The following MAOB variants were observed in gnomAD, a reference collection of about 807,000 sequenced individuals.
MAOB encodes the protein amine oxidase [flavin-containing] B.
In MAOB, 15 loss-of-function variants were observed where a neutral mutation model predicts 41.9. The ratio of observed to expected loss-of-function variants is 0.36; its 90% CI spans 0.24 to 0.55. The LOEUF is 0.55. MAOB is among the 20% of genes least tolerant of loss of function. MAOB has a pLI of 0.86. For synonymous variants in MAOB, 167 were observed against 144.2 expected (o/e 1.16, Z -1.13); for missense variants, 345 against 398.7 (o/e 0.87, Z 1.15).
intron 3 of MAOB, among the ~76,000 whole-genome samples, chrX:43,808,728 A>ACG (rs1313448371): frequency 9.1e-6 from 1 of 109,524 alleles, no homozygotes; most frequent in African/African-American, 3.3e-5. Flanking sequence ...ACACACACAC[A>ACG]GAGTCTTGCT....
At chrX:43,808,678 CT>C (rs1569218463) in intron 3 of MAOB, among the ~76,000 whole-genome samples, 25 of 99,064 alleles carry the variant, frequency 2.5e-4, no homozygotes, top group South Asian at 1.3e-3. Flanking sequence ...ATATCTATAT[CT>C]ATATCTATAT....
chrX:43,842,476 C>T (rs1157345927), intron 2 of MAOB, among the ~76,000 whole-genome samples: 1 of 112,548 alleles, frequency 8.9e-6, no homozygotes, highest in Non-Finnish European at 1.9e-5. Context: ...TAAATCAGTA[C>T]AGCTATTACA....
At chrX:43,800,282 G>C (rs1218733983) in intron 5 of MAOB, among the ~76,000 whole-genome samples, 1 of 110,966 alleles carries the variant, frequency 9.0e-6, no homozygotes, top group African/African-American at 3.3e-5. Flanking sequence ...AGTTCTCTGA[G>C]GAGAGAAGAC....
chrX:43,798,326 G>A (rs1180805245), intron 5 of MAOB, among the ~76,000 whole-genome samples: 2 of 112,251 alleles, frequency 1.8e-5, no homozygotes, highest in East Asian at 2.8e-4. Context: ...ATGAATGATT[G>A]ATGAGAAATA....
At chrX:43,857,112 TATATAGAGAGAGAGAGAGAGAGAGAG>T (rs1393836546) in intron 1 of MAOB, among the ~76,000 whole-genome samples, 499 of 14,939 alleles carry the variant, frequency 0.033, 2 homozygotes, top group Non-Finnish European at 0.045. Flanking sequence ...TATATATATA[TATATAGAGAGAGAGAGAGAGAGAGAG>T]AGAGAGAGAG....
intron 10 of MAOB, among the ~76,000 whole-genome samples, chrX:43,779,201 G>T (rs1200065233): frequency 1.8e-5 from 2 of 111,966 alleles, no homozygotes; most frequent in Non-Finnish European, 3.8e-5. Flanking sequence ...AAGTACAGAA[G>T]TAGAACCAAA....
At chrX:43,872,329 A>G in intron 1 of MAOB, among the ~76,000 whole-genome samples, 1 of 112,181 alleles carries the variant, frequency 8.9e-6, no homozygotes, top group Middle Eastern at 4.6e-3. Flanking sequence ...ACTTCATTAA[A>G]TTACGACTAC....
intron 1 of MAOB, among the ~76,000 whole-genome samples, chrX:43,877,190 G>A (rs1436251236): frequency 8.9e-6 from 1 of 112,117 alleles, no homozygotes; most frequent in African/African-American, 3.2e-5. Context: ...TGGAACCAGG[G>A]TAGACACCAT....
chrX:43,780,288 G>A, intron 10 of MAOB, 54 bp downstream of exon 10: 2 of 958,545 alleles, frequency 2.1e-6, no homozygotes. Flanking sequence ...AGGGAGGGAT[G>A]GAGTGGGGGG....
At chrX:43,854,503 G>A (rs755642654) in intron 1 of MAOB, among the ~76,000 whole-genome samples, 1 of 110,946 alleles carries the variant, frequency 9.0e-6, no homozygotes, top group Admixed American at 9.6e-5. Flanking sequence ...CACACACCGG[G>A]GCCTGTAAGG....
At chrX:43,843,868 C>T (rs1490337807) in intron 1 of MAOB, 104 bp from the exon 2 acceptor site, 19 of 1,074,163 alleles carry the variant, frequency 1.8e-5, no homozygotes, top group East Asian at 1.7e-4. Context: ...TCACGTGCAC[C>T]GCCTATTGTT....
chrX:43,784,159 T>G (rs2147126773), intron 8 of MAOB, among the ~76,000 whole-genome samples: 1 of 112,324 alleles, frequency 8.9e-6, no homozygotes, highest in East Asian at 2.8e-4. Context: ...AAGTCACTCA[T>G]GAGGATTGGA....
intron 2 of MAOB, 22 bp downstream of exon 2, chrX:43,843,648 C>T: frequency 8.4e-7 from 1 of 1,196,247 alleles, no homozygotes; most frequent in Non-Finnish European, 1.1e-6. Flanking sequence ...CACATTTGTC[C>T]TCCGGATTCT....
intron 11 of MAOB, among the ~76,000 whole-genome samples, chrX:43,776,953 G>A (rs1361411351): frequency 1.8e-5 from 2 of 110,957 alleles, no homozygotes; most frequent in Admixed American, 9.5e-5. Flanking sequence ...TCATTTTTAT[G>A]GCTGCATAGT....
chrX:43,880,755 A>G (rs1001023295), intron 1 of MAOB, among the ~76,000 whole-genome samples: 1 of 112,227 alleles, frequency 8.9e-6, no homozygotes, highest in Non-Finnish European at 1.9e-5. Context: ...GGTGTGGAGT[A>G]TGAATCAGAA....
intron 1 of MAOB, among the ~76,000 whole-genome samples, chrX:43,864,786 C>A (rs773277073): frequency 9.0e-6 from 1 of 111,287 alleles, no homozygotes; most frequent in East Asian, 2.8e-4. Context: ...CCTAAAGAAG[C>A]TGAACAGGCT....
chrX:43,837,294 A>G (rs1329798066), intron 3 of MAOB, among the ~76,000 whole-genome samples: 1 of 112,706 alleles, frequency 8.9e-6, no homozygotes, highest in African/African-American at 3.2e-5. Flanking sequence ...GTAGATTTTC[A>G]TTTCTAATTC....
At chrX:43,805,919 A>G (rs1433823315) in intron 3 of MAOB, among the ~76,000 whole-genome samples, 1 of 112,482 alleles carries the variant, frequency 8.9e-6, no homozygotes, top group Non-Finnish European at 1.9e-5. Flanking sequence ...CAGAATACTG[A>G]CACTTGCTGA....
chrX:43,787,912 C>T (rs3027446), intron 8 of MAOB, among the ~76,000 whole-genome samples: 3,277 of 111,975 alleles, frequency 0.029, 142 homozygotes, highest in African/African-American at 0.1. Context: ...ATAAATGAGG[C>T]AATTTCTCCT....
Sources: gnomAD v4.1 joint callset for allele counts (sites outside exome capture counted in the v4.1 genomes callset) on GRCh38, gnomAD v4.1.1 for gene constraint, MANE v1.5 for transcripts, NCBI Gene and HGNC (gene_info 2026-07-23, HGNC 2026-07-21) for gene names.